JAK1: variants seen among roughly 807,000 people sequenced by gnomAD.
JAK1 encodes tyrosine-protein kinase JAK1.
In JAK1, 16 loss-of-function variants were observed where a neutral mutation model predicts 136.6. The observed-to-expected ratio is 0.12, with a 90% confidence interval of 0.08 to 0.18. JAK1 has a LOEUF of 0.18. Among genes scored for constraint, JAK1 ranks in the 10% least tolerant of loss-of-function variants. The pLI, the probability that JAK1 is intolerant of heterozygous loss-of-function variation, is 1.00. For missense variants in JAK1, 859 were observed against 1,450.1 expected (o/e 0.59, Z 6.62); for synonymous variants, 492 against 519.5 (o/e 0.95, Z 0.72).
intron 8 of JAK1, 146 bp downstream of exon 8, chr1:64,864,641 G>GTAA (rs1263622593): frequency 3.2e-6 from 2 of 623,862 alleles, no homozygotes; most frequent in Non-Finnish European, 5.5e-6. Flanking sequence ...GAATGCCTTG[G>GTAA]TAATAGGAAC....
intron 1 of JAK1, among the ~76,000 whole-genome samples, chr1:64,913,978 G>T (rs1052126692): frequency 1.3e-4 from 20 of 152,168 alleles, no homozygotes; most frequent in African/African-American, 4.8e-4. Flanking sequence ...GTTGGGGGGT[G>T]AGTGGCCAGA....
chr1:64,860,322 A>G, intron 8 of JAK1, 60 bp from the exon 9 acceptor site: 1 of 1,467,668 alleles, frequency 6.8e-7, no homozygotes, highest in Non-Finnish European at 9.3e-7. Flanking sequence ...TAAGTGGCTG[A>G]CTCTGTAGGG....
rs1557719374 is a variant in JAK1 at position 64,951,648 on chromosome 1, C to CT, written c.-78+14684_-78+14685insA. Among the ~76,000 whole-genome samples, 82 of 128,150 alleles carry CT rather than the reference C, an allele frequency of 6.4e-4. 1 individual carries two copies. The highest frequency in any genetic ancestry group is 8.8e-3 in the Middle Eastern group (2 of 226). 84.1% of individuals were successfully genotyped at this position (128,150 alleles called of 152,430 possible). On this transcript the variant is annotated intron_variant, in intron 1 of 24. Transcript: ENST00000342505. ...AGCCCTTAGCTATAAACAAGTTCTG[C>CT]CTTTTTTTTTTTTTTTTTTTTTTTT...
At chr1:65,049,760 C>T (rs986452255) in intron 1 of JAK1, among the ~76,000 whole-genome samples, 18 of 152,278 alleles carry the variant, frequency 1.2e-4, no homozygotes, top group African/African-American at 4.1e-4. Flanking sequence ...CATATCCTCA[C>T]CCCACCAAAT....
intron 2 of JAK1, among the ~76,000 whole-genome samples, chr1:64,994,477 C>G (rs565861379): frequency 1.3e-5 from 2 of 152,098 alleles, no homozygotes; most frequent in Non-Finnish European, 2.9e-5. Flanking sequence ...ATGTCAGTGT[C>G]GAGGGCTCTT....
At chr1:65,023,995 A>G (rs1258226832) in intron 2 of JAK1, among the ~76,000 whole-genome samples, 3 of 150,528 alleles carry the variant, frequency 2.0e-5, no homozygotes, top group Admixed American at 6.7e-5. Context: ...ATATATCACA[A>G]TGTGTTTATC....
At chr1:65,049,846 G>A (rs930031019) in intron 1 of JAK1, among the ~76,000 whole-genome samples, 13 of 152,082 alleles carry the variant, frequency 8.5e-5, no homozygotes, top group African/African-American at 3.1e-4. Context: ...GCTCTTTCTG[G>A]GATAGTGGCT....
At chr1:64,841,036 G>A (rs1293463955) in intron 19 of JAK1, among the ~76,000 whole-genome samples, 1 of 152,174 alleles carries the variant, frequency 6.6e-6, no homozygotes, top group African/African-American at 2.4e-5. Context: ...ATGCAGGCAG[G>A]GACGTGCATT....
intron 1 of JAK1, among the ~76,000 whole-genome samples, chr1:64,928,230 A>T (rs1370912933): frequency 2.0e-5 from 3 of 152,176 alleles, no homozygotes; most frequent in Non-Finnish European, 2.9e-5. Flanking sequence ...CTTCACTGCC[A>T]CCTTTTAACT....
At chr1:64,860,691 T>C (rs1241159867) in intron 8 of JAK1, among the ~76,000 whole-genome samples, 1 of 151,998 alleles carries the variant, frequency 6.6e-6, no homozygotes, top group Non-Finnish European at 1.5e-5. Flanking sequence ...TGACCTCGAG[T>C]GATCTCCCAC....
rs769371012 is a variant in JAK1, at chr1:64,834,565, T to A, written c.3462A>T (p.Lys1154Asn). Residue 1154 changes from lysine (K) to asparagine (N), a missense_variant, in exon 25 of 25, where the codon AAA becomes AAT. Transcript: ENST00000342505. ...NLIEGFEALL[K>N] ...ATTTAAATGTTATTCATGCTTCTTA[T>A]TTTAAAAGTGCTTCAAATCCTTCAA... The A allele has an allele frequency of 3.8e-6, 6 of 1,592,230 alleles. No homozygotes were observed. In the Admixed American group the frequency reaches 1.0e-4, roughly 27 times the overall value.
chr1:65,061,610 G>A (rs1647795035), intron 1 of JAK1, among the ~76,000 whole-genome samples: 1 of 152,118 alleles, frequency 6.6e-6, no homozygotes, highest in South Asian at 2.1e-4. Context: ...TAACTAGTGT[G>A]ATTTGTTTTC....
intron 1 of JAK1, among the ~76,000 whole-genome samples, chr1:64,888,919 C>T (rs977646011): frequency 2.0e-5 from 3 of 152,198 alleles, no homozygotes; most frequent in Admixed American, 6.5e-5. Context: ...AAATAGAAAA[C>T]ACCCACATAG....
chr1:64,894,223 A>C (rs189966864), intron 1 of JAK1, among the ~76,000 whole-genome samples: 114 of 152,274 alleles, frequency 7.5e-4, no homozygotes, highest in African/African-American at 2.3e-3. Context: ...CCACCTCTGT[A>C]TGTTTGCACC....
intron 1 of JAK1, among the ~76,000 whole-genome samples, chr1:64,902,610 G>GTGTA (rs377166863): frequency 6.6e-6 from 1 of 151,402 alleles, no homozygotes; most frequent in Admixed American, 6.6e-5. Context: ...GTGTGTGTGT[G>GTGTA]TTATGGCATG....
chr1:64,973,570 G>C (rs536261920), intron 2 of JAK1: 1 of 129,146 alleles, frequency 7.7e-6, no homozygotes, highest in Non-Finnish European at 1.6e-5. Flanking sequence ...TGAAAATATA[G>C]TATTAAGTAA....
Position 64,946,772 on chromosome 1 carries a change from T to C in JAK1, c.-78+19561A>G, listed in dbSNP as rs1312607876. The stretch of plus-strand genomic sequence containing the variant: ...CGAGATATTTGCAAACCCATGTTCA[T>C]AGAAATATCATTCACAACAGTCAAA... On this transcript the variant is annotated intron_variant, in intron 1 of 24. Transcript: ENST00000342505. Among the ~76,000 whole-genome samples, 3 of 87,996 alleles carry C rather than the reference T, an allele frequency of 3.4e-5. No individual in the cohort carries two copies. In the East Asian group the frequency reaches 2.6e-3, roughly 76 times the overall value. The allele number at this position is 87,996 out of a possible 152,430, so 57.7% of individuals were successfully genotyped here. A position where few individuals can be genotyped will look rare whatever the true frequency, so the allele number is the denominator to read the frequency against.
At chr1:64,893,199 A>G (rs559085819) in intron 1 of JAK1, among the ~76,000 whole-genome samples, 32 of 152,300 alleles carry the variant, frequency 2.1e-4, no homozygotes, top group African/African-American at 3.8e-4. Context: ...ATTGTGCAGG[A>G]AAGAGTATGC....
intron 12 of JAK1, among the ~76,000 whole-genome samples, chr1:64,850,575 C>G (rs1416888201): frequency 6.6e-6 from 1 of 152,248 alleles, no homozygotes; most frequent in Non-Finnish European, 1.5e-5. Flanking sequence ...GGTAACCCCA[C>G]AAAGCCTGAC....
Sources: gnomAD v4.1 joint callset for allele counts (sites outside exome capture counted in the v4.1 genomes callset) on GRCh38, gnomAD v4.1.1 for gene constraint, MANE v1.5 for transcripts, NCBI Gene and HGNC (gene_info 2026-07-23, HGNC 2026-07-21) for gene names.